RYR2: variants seen among roughly 807,000 people sequenced by gnomAD.
RYR2 encodes the protein cardiac muscle ryanodine receptor-calcium release channel.
In RYR2, 227 loss-of-function variants were observed where a neutral mutation model predicts 601.1. The observed-to-expected ratio is 0.38, with a 90% CI of 0.34 to 0.42. The LOEUF is 0.42. Among genes scored for constraint, RYR2 ranks in the 10% least tolerant of loss-of-function variants. The pLI is 1.00. For missense variants in RYR2, 4,646 were observed against 6,156.5 expected (o/e 0.75, Z 8.21); for synonymous variants, 2,223 against 2,175.1 (o/e 1.02, Z -0.61).
At chr1:237,082,542 T>TATATATATATAC (rs1383118238) in intron 1 of RYR2, among the ~76,000 whole-genome samples, 1 of 118,414 alleles carries the variant, frequency 8.4e-6, no homozygotes. Context: ...TATATATATA[T>TATATATATATAC]ATATATATAT....
intron 7 of RYR2, 29 bp downstream of exon 7, chr1:237,374,824 GT>G: frequency 6.3e-7 from 1 of 1,578,478 alleles, no homozygotes; most frequent in Non-Finnish European, 8.7e-7. Context: ...GGGAAGCCAG[GT>G]TCAGAGAGAA....
chr1:237,431,828 A>T (rs1404938391), intron 12 of RYR2, among the ~76,000 whole-genome samples: 2 of 152,164 alleles, frequency 1.3e-5, no homozygotes, highest in Non-Finnish European at 2.9e-5. Context: ...GAGTGAATGC[A>T]CCTGGCCAAA....
chr1:237,407,268 TTACA>T (rs1429577609), intron 10 of RYR2, among the ~76,000 whole-genome samples: 1 of 152,190 alleles, frequency 6.6e-6, no homozygotes, highest in Admixed American at 6.5e-5. Flanking sequence ...CTATTAATAT[TTACA>T]TGCAAGTTTT....
rs1012059613 is a variant in RYR2, at chr1:237,150,462, C to T, written c.48+107893C>T. Among the ~76,000 whole-genome samples, 15 of 152,196 alleles carry T rather than the reference C, an allele frequency of 9.9e-5. 1 individual carries two copies. Among genetic ancestry groups the T allele is most frequent in the African/African-American group, 2.2e-4 (9 of 41,510 alleles). On this transcript the variant is annotated intron_variant, in intron 1 of 104. Coordinates refer to ENST00000366574, the MANE Select transcript of RYR2 (RefSeq NM_001035.3). The stretch of plus-strand genomic sequence containing the variant: ...GGAATCTTTTCTGTTTTTGTATCCC[C>T]GGTGCTTAACCTAATACCTGGCATG...
intron 1 of RYR2, among the ~76,000 whole-genome samples, chr1:237,189,396 A>C (rs1679720800): frequency 6.6e-6 from 1 of 152,200 alleles, no homozygotes; most frequent in African/African-American, 2.4e-5. Flanking sequence ...GAGATTCTGC[A>C]TCTTGTATAT....
chr1:237,764,290 G>A (rs1693663737), intron 84 of RYR2, among the ~76,000 whole-genome samples: 1 of 152,052 alleles, frequency 6.6e-6, no homozygotes, highest in South Asian at 2.1e-4. Flanking sequence ...TGAAATGCAG[G>A]CATTCTGCCT....
At chr1:237,337,255 A>G (rs1697336107) in intron 3 of RYR2, among the ~76,000 whole-genome samples, 1 of 151,910 alleles carries the variant, frequency 6.6e-6, no homozygotes. Flanking sequence ...CCATCTCAAA[A>G]AAAAAAAAAA....
chr1:237,389,488 G>A (rs1185878298), intron 10 of RYR2, among the ~76,000 whole-genome samples: 1 of 152,146 alleles, frequency 6.6e-6, no homozygotes, highest in Non-Finnish European at 1.5e-5. Context: ...GAGGTGGGGA[G>A]AATCTGAGTC....
intron 43 of RYR2, among the ~76,000 whole-genome samples, chr1:237,634,358 G>T (rs1056874777): frequency 6.6e-6 from 1 of 152,238 alleles, no homozygotes. Flanking sequence ...AATAAGCTAC[G>T]TGTAGAAAGA....
intron 19 of RYR2, among the ~76,000 whole-genome samples, chr1:237,493,292 G>T (rs181609393): frequency 8.6e-5 from 13 of 152,044 alleles, no homozygotes; most frequent in Admixed American, 5.9e-4. Flanking sequence ...TGGATTTGCC[G>T]CAAACACATG....
chr1:237,781,013 T>C (rs1363570744), intron 88 of RYR2, among the ~76,000 whole-genome samples: 1 of 152,100 alleles, frequency 6.6e-6, no homozygotes, highest in Non-Finnish European at 1.5e-5. Context: ...TTGTGGTTCT[T>C]TCATATTATT....
At chr1:237,506,178 G>C (rs1221961204) in intron 22 of RYR2, among the ~76,000 whole-genome samples, 1 of 148,016 alleles carries the variant, frequency 6.8e-6, no homozygotes, top group East Asian at 2.0e-4. Context: ...TTTTTTTTCT[G>C]GTGGCTCATA....
chr1:237,459,870 T>C (rs1659274244), intron 16 of RYR2, among the ~76,000 whole-genome samples: 1 of 152,212 alleles, frequency 6.6e-6, no homozygotes, highest in African/African-American at 2.4e-5. Context: ...GAAGTGTGAT[T>C]TTAAAATGGC....
At chr1:237,513,951 G>A (rs538261858) in intron 24 of RYR2, among the ~76,000 whole-genome samples, 1 of 152,190 alleles carries the variant, frequency 6.6e-6, no homozygotes, top group East Asian at 1.9e-4. Context: ...GGGTCTACTA[G>A]GAACTTAAAA....
chr1:237,343,912 C>T (rs1698060049), intron 3 of RYR2, among the ~76,000 whole-genome samples: 1 of 151,726 alleles, frequency 6.6e-6, no homozygotes, highest in Admixed American at 6.6e-5. Flanking sequence ...CCTCTGCCTC[C>T]TGGTTTAAAG....
chr1:237,056,051 G>C (rs576318499), intron 1 of RYR2, among the ~76,000 whole-genome samples: 1 of 149,938 alleles, frequency 6.7e-6, no homozygotes, highest in East Asian at 2.0e-4. Flanking sequence ...GAGGACTAAA[G>C]ACTGTACCTG....
chr1:237,436,881 T>C (rs1377490151), intron 12 of RYR2, among the ~76,000 whole-genome samples: 3 of 149,962 alleles, frequency 2.0e-5, no homozygotes, highest in African/African-American at 7.4e-5. Flanking sequence ...ATATCTAGTA[T>C]GTATATATCA....
chr1:237,670,504 T>C (rs1684836663), intron 58 of RYR2, among the ~76,000 whole-genome samples: 1 of 152,246 alleles, frequency 6.6e-6, no homozygotes, highest in Non-Finnish European at 1.5e-5. Context: ...AATGGATGGA[T>C]GGCAAATGAG....
chr1:237,456,839 G>A (rs1658891596), intron 16 of RYR2, 104 bp downstream of exon 16: 22 of 1,303,810 alleles, frequency 1.7e-5, no homozygotes, highest in Non-Finnish European at 2.3e-5. Flanking sequence ...CAATTTGGGA[G>A]GCTGAGGTGG....
Sources: allele counts gnomAD v4.1 joint callset (sites outside exome capture counted in the v4.1 genomes callset), GRCh38; gene constraint gnomAD v4.1.1; transcripts MANE v1.5; gene names NCBI Gene and HGNC (gene_info 2026-07-23, HGNC 2026-07-21).